The following ITK variants were observed in gnomAD, a reference collection of about 807,000 sequenced individuals.
ITK encodes tyrosine-protein kinase ITK/TSK.
Under a neutral mutation model 87.6 loss-of-function variants are expected in ITK, and 45 were observed. That is an observed-to-expected ratio of 0.51 (90% CI 0.40 to 0.66). The LOEUF (loss-of-function observed/expected upper bound fraction) is 0.66. Among genes scored for constraint, ITK ranks in the 30% least tolerant of loss-of-function variants. The pLI is 0.00. For missense variants in ITK, 605 were observed against 766.3 expected (o/e 0.79, Z 2.48); for synonymous variants, 303 against 273.6 (o/e 1.11, Z -1.06).
chr5:157,203,553 A>G (rs901009968), intron 1 of ITK, among the ~76,000 whole-genome samples: 6 of 151,016 alleles, frequency 4.0e-5, no homozygotes, highest in African/African-American at 1.5e-4. Context: ...CATGCCCTAA[A>G]GAAAGAACCC....
At chr5:157,204,009 T>C (rs1754027047) in intron 1 of ITK, among the ~76,000 whole-genome samples, 1 of 152,180 alleles carries the variant, frequency 6.6e-6, no homozygotes, top group Non-Finnish European at 1.5e-5. Context: ...TTTTGTTTTG[T>C]TTGTTTGCTT....
chr5:157,195,092 C>T (rs1753826489), intron 1 of ITK: 1 of 152,182 alleles, frequency 6.6e-6, no homozygotes, highest in Non-Finnish European at 1.5e-5. Flanking sequence ...TAGATATAAG[C>T]ACAGAGGAGC....
At chr5:157,194,047 G>A (rs1383493546) in intron 1 of ITK, among the ~76,000 whole-genome samples, 1 of 152,164 alleles carries the variant, frequency 6.6e-6, no homozygotes, top group African/African-American at 2.4e-5. Flanking sequence ...ACCCAAGGAA[G>A]CAAAGTGAAA....
At chr5:157,228,104 G>A (rs1039453020) in intron 6 of ITK, among the ~76,000 whole-genome samples, 192 bp from the exon 7 acceptor site, 32 of 152,146 alleles carry the variant, frequency 2.1e-4, no homozygotes, top group African/African-American at 7.5e-4. Context: ...CTCCAAAAGT[G>A]CTGGGATTAC....
chr5:157,218,575 G>T (rs1370957144), intron 5 of ITK, among the ~76,000 whole-genome samples: 1 of 150,638 alleles, frequency 6.6e-6, no homozygotes, highest in South Asian at 2.1e-4. Context: ...ACATACATTT[G>T]TTGATATTTT....
At chr5:157,182,450 G>T (rs1753553685) in intron 1 of ITK, among the ~76,000 whole-genome samples, 1 of 152,080 alleles carries the variant, frequency 6.6e-6, no homozygotes, top group Admixed American at 6.6e-5. Flanking sequence ...CAAAAAAGTT[G>T]CAGGCGAAAT....
chr5:157,207,028 T>G (rs1754091535), intron 1 of ITK, among the ~76,000 whole-genome samples: 1 of 152,172 alleles, frequency 6.6e-6, no homozygotes, highest in African/African-American at 2.4e-5. Context: ...TAAAGCTGAT[T>G]TTTAAAACAA....
intron 1 of ITK, among the ~76,000 whole-genome samples, chr5:157,193,041 T>G (rs1221511639): frequency 6.6e-6 from 1 of 151,976 alleles, no homozygotes; most frequent in African/African-American, 2.4e-5. Context: ...CATAGTGAGA[T>G]CCCATCTCCA....
chr5:157,233,090 G>A (rs1754691875), intron 8 of ITK, among the ~76,000 whole-genome samples: 1 of 152,156 alleles, frequency 6.6e-6, no homozygotes, highest in Admixed American at 6.5e-5. Flanking sequence ...TGGTATGGTG[G>A]GGCAGGTACT....
At position 157,209,007 on chromosome 5, in the gene ITK, G is replaced by T; in HGVS notation, c.243+14G>T. 1 of 1,538,450 alleles carries T rather than the reference G, an allele frequency of 6.5e-7. No homozygotes were observed. Among genetic ancestry groups the T allele is most frequent in the Non-Finnish European group, 9.0e-7 (1 of 1,111,014 alleles). On this transcript the variant is annotated intron_variant, in intron 2 of 16. Transcript: ENST00000422843. ...TACCCGTTTCAGGTAAGTCCATCAG[G>T]TGGGTAGTTCCCCATTCCCTGGACT...
chr5:157,249,297 G>A (rs1383967475), intron 16 of ITK, among the ~76,000 whole-genome samples: 1 of 152,156 alleles, frequency 6.6e-6, no homozygotes, highest in Non-Finnish European at 1.5e-5. Flanking sequence ...TCGATTTTCT[G>A]AGAAGAGAAA....
Position 157,180,991 on chromosome 5 carries a change from T to C in ITK, c.14T>C (p.Ile5Thr), listed in dbSNP as rs1325310385. Residue 5 changes from isoleucine (I) to threonine (T), a missense_variant, in exon 1 of 17, where the codon ATC (isoleucine) becomes ACC (threonine). Ile to Thr is a moderately conservative substitution (Grantham distance 89). Transcript: ENST00000422843. MNNFILLEEQLIKKS... is the reference protein window; with the variant it reads MNNFTLLEEQLIKKS... ...AAGAACTGGATCATGAACAACTTTA[T>C]CCTCCTGGAAGAACAGCTCATCAAG... The C allele has an allele frequency of 1.2e-6, 2 of 1,613,926 alleles. No homozygotes were observed.
chr5:157,216,291 G>A (rs1341337575), intron 4 of ITK, among the ~76,000 whole-genome samples: 1 of 152,100 alleles, frequency 6.6e-6, no homozygotes, highest in Non-Finnish European at 1.5e-5. Context: ...TATGAGCACT[G>A]GGCTTTGGAT....
chr5:157,234,772 C>G (rs1206213159), intron 8 of ITK, among the ~76,000 whole-genome samples: 3 of 152,078 alleles, frequency 2.0e-5, no homozygotes, highest in African/African-American at 7.2e-5. Context: ...CATCACACAC[C>G]AGGGTCTGTC....
intron 8 of ITK, among the ~76,000 whole-genome samples, chr5:157,232,662 G>C (rs1454980757): frequency 6.6e-6 from 1 of 152,194 alleles, no homozygotes; most frequent in Non-Finnish European, 1.5e-5. Flanking sequence ...TGTTTTTTCA[G>C]CTTTGCTGCG....
At chr5:157,246,622 TG>T (rs921884172) in intron 15 of ITK, among the ~76,000 whole-genome samples, 4 of 152,192 alleles carry the variant, frequency 2.6e-5, no homozygotes, top group African/African-American at 9.6e-5. Flanking sequence ...AAAACAGTAA[TG>T]GGGCAGAGTG....
At chr5:157,213,109 T>A (rs1754223711) in intron 3 of ITK, among the ~76,000 whole-genome samples, 1 of 152,106 alleles carries the variant, frequency 6.6e-6, no homozygotes, top group Admixed American at 6.6e-5. Flanking sequence ...CACAGTTCTG[T>A]ATGGCTGGGA....
chr5:157,240,745 A>C (rs907759321), intron 10 of ITK: 20 of 176,384 alleles, frequency 1.1e-4, no homozygotes, highest in Non-Finnish European at 1.9e-4. Flanking sequence ...AAGATGCCAC[A>C]GACATTTAAA....
At chr5:157,204,202 C>T (rs1754033736) in intron 1 of ITK, among the ~76,000 whole-genome samples, 1 of 152,178 alleles carries the variant, frequency 6.6e-6, no homozygotes, top group African/African-American at 2.4e-5. Context: ...TGCATTGTCT[C>T]ACTATGTTGC....
Sources: gnomAD v4.1 joint callset for allele counts (sites outside exome capture counted in the v4.1 genomes callset) on GRCh38, gnomAD v4.1.1 for gene constraint, MANE v1.5 for transcripts, NCBI Gene and HGNC (gene_info 2026-07-23, HGNC 2026-07-21) for gene names.